The following PRPF4 variants were observed in gnomAD, a reference collection of about 807,000 sequenced individuals.
PRPF4 encodes the protein pre-mRNA splicing tri-snRNP complex factor PRPF4.
In PRPF4, 14 loss-of-function variants were observed where a neutral mutation model predicts 72.2. The ratio of observed to expected loss-of-function variants is 0.19; its 90% CI spans 0.13 to 0.30. The LOEUF is 0.30. Among genes scored for constraint, PRPF4 ranks in the 10% least tolerant of loss-of-function variants. PRPF4 has a pLI of 1.00. For missense variants in PRPF4, 478 were observed against 653.9 expected (o/e 0.73, Z 2.93); for synonymous variants, 225 against 232.2 (o/e 0.97, Z 0.28).
rs757227440 is a variant in PRPF4 at position 113,290,536 on chromosome 9, A to C, written c.1093A>C (p.Met365Leu). The C allele has an allele frequency of 1.2e-6, 2 of 1,614,196 alleles. No individual in the cohort carries two copies. Among genetic ancestry groups the C allele is most frequent in the Non-Finnish European group, 1.7e-6 (2 of 1,180,024 alleles). The change falls in exon 11 of 14, where the codon ATG (methionine) becomes CTG (leucine). Residue 365 changes from methionine to leucine, a missense_variant. Transcript: ENST00000374198. ...EEILHQEGHS[M>L]GVYDIAFHQD... ...GATCCTGCATCAGGAAGGCCATAGC[A>C]TGGGTGTGTATGACATTGCCTTCCA...
chr9:113,278,919 G>A, intron 2 of PRPF4, 26 bp from the exon 3 acceptor site: 1 of 1,609,656 alleles, frequency 6.2e-7, no homozygotes, highest in South Asian at 1.1e-5. Flanking sequence ...AAGATCTGCT[G>A]ATGTTGCCTG....
chr9:113,276,594 A>G lies in PRPF4; in HGVS notation c.74A>G (p.Lys25Arg), dbSNP rs770430718. Residue 25 changes from lysine to arginine, a missense_variant, in exon 2 of 14, where the codon AAG becomes AGG. Coordinates refer to ENST00000374198, the MANE Select transcript of PRPF4 (RefSeq NM_001244926.2). ...APDDLVAPVV[K>R]KPHIYYGSLE... Reference sequence around the variant, plus strand: ...GACGACTTAGTTGCTCCGGTCGTGAAGAAACCACACATCTATTATGGAAGT... The same window carrying G: ...GACGACTTAGTTGCTCCGGTCGTGAGGAAACCACACATCTATTATGGAAGT... The G allele has an allele frequency of 7.4e-6, 12 of 1,614,096 alleles. No individual in the cohort carries two copies.
At chr9:113,276,897 C>G (rs576888383) in intron 2 of PRPF4, among the ~76,000 whole-genome samples, 172 bp downstream of exon 2, 9 of 152,168 alleles carry the variant, frequency 5.9e-5, no homozygotes, top group Admixed American at 5.9e-4. Flanking sequence ...TCACTGCAAC[C>G]TCCGCCTCCC....
chr9:113,281,404 A>C (rs1203309835), intron 3 of PRPF4, among the ~76,000 whole-genome samples: 1 of 152,254 alleles, frequency 6.6e-6, no homozygotes, highest in South Asian at 2.1e-4. Flanking sequence ...TTGAGTCACT[A>C]CTGCTACTAT....
intron 7 of PRPF4, 50 bp downstream of exon 7, chr9:113,284,439 A>C: frequency 1.4e-6 from 2 of 1,481,002 alleles, no homozygotes; most frequent in Non-Finnish European, 1.9e-6. Flanking sequence ...GAACAGGCTC[A>C]GGAAGAAAAT....
chr9:113,292,448 C>T lies in PRPF4; in HGVS notation c.*788C>T, dbSNP rs1241076545. On this transcript the variant is annotated 3_prime_UTR_variant, in exon 14 of 14. Coordinates refer to ENST00000374198, the MANE Select transcript of PRPF4 (RefSeq NM_001244926.2). ...CAATGCATCATAGCGAGCACTTTTC[C>T]TTTCCCTGGAGAATGGGATGTGAAG... is the stretch of plus-strand genomic sequence containing the variant. 5 of 152,188 alleles carry T rather than the reference C, an allele frequency of 3.3e-5. No individual in the cohort carries two copies. The highest frequency in any genetic ancestry group is 6.5e-5 in the Admixed American group (1 of 15,270). 9.4% of individuals were successfully genotyped at this position (152,188 alleles called of 1,614,324 possible). A position where few individuals can be genotyped will look rare whatever the true frequency, so the allele number is the denominator to read the frequency against.
chr9:113,290,488 T>G lies in PRPF4; in HGVS notation c.1045T>G (p.Trp349Gly), dbSNP rs1290352759. 6.2e-7 allele frequency: 1 copy of G among 1,614,232 alleles called. No individual in the cohort carries two copies. Among genetic ancestry groups the G allele is most frequent in the Non-Finnish European group, 8.5e-7 (1 of 1,180,038 alleles). Residue 349 changes from tryptophan (W) to glycine (G), a missense_variant, in exon 11 of 14, where the codon TGG becomes GGG. Physicochemically the swap from Trp to Gly is radical, Grantham distance 184. Transcript: ENST00000374198. ...TTCYDRSWRL[W>G]DLEAQEEILH... Reference sequence around the variant, plus strand: ...TAGCTATGACCGTTCATGGCGCTTATGGGATTTGGAGGCTCAAGAGGAGAT... The same window carrying G: ...TAGCTATGACCGTTCATGGCGCTTAGGGGATTTGGAGGCTCAAGAGGAGAT...
chr9:113,277,444 G>A (rs1204453451), intron 2 of PRPF4, among the ~76,000 whole-genome samples: 1 of 151,876 alleles, frequency 6.6e-6, no homozygotes, highest in Non-Finnish European at 1.5e-5. Flanking sequence ...GGAATGCAGT[G>A]GCGTAACCTT....
At chr9:113,285,797 T>G (rs1283079544) in intron 7 of PRPF4, among the ~76,000 whole-genome samples, 2 of 152,004 alleles carry the variant, frequency 1.3e-5, no homozygotes, top group Non-Finnish European at 2.9e-5. Context: ...CCTGGGAGGT[T>G]GAGGCTGCAG....
chr9:113,289,966 T>G (rs1463817031), intron 10 of PRPF4, among the ~76,000 whole-genome samples: 1 of 152,186 alleles, frequency 6.6e-6, no homozygotes. Context: ...ACACCTATAA[T>G]CCCAGCACTT....
intron 6 of PRPF4, among the ~76,000 whole-genome samples, chr9:113,284,092 T>C (rs1462141588): frequency 6.7e-6 from 1 of 148,330 alleles, no homozygotes; most frequent in Non-Finnish European, 1.5e-5. Flanking sequence ...AAAAAGACTA[T>C]AGAAAACAGC....
rs138557615 is a variant in PRPF4 at position 113,276,722 on chromosome 9, T to G, written c.202T>G (p.Ser68Ala). The G allele has an allele frequency of 6.2e-7, 1 of 1,606,414 alleles. No individual in the cohort carries two copies. Among genetic ancestry groups the G allele is most frequent in the South Asian group, 1.1e-5 (1 of 90,038 alleles). The change falls in exon 2 of 14, where the codon TCT (serine) becomes GCT (alanine). Residue 68 changes from serine (S) to alanine (A), a missense_variant. Transcript: ENST00000374198. ...CGAAGCTGGAAATATTAATATAACC[T>G]CTGGTAAGATGCAAATTGTGAGCCC... is the stretch of plus-strand genomic sequence containing the variant. ...GIEAGNINIT[S>A]GEVFEIEEHI...
intron 9 of PRPF4, among the ~76,000 whole-genome samples, chr9:113,287,225 C>T (rs1297836579): frequency 6.6e-6 from 1 of 152,108 alleles, no homozygotes; most frequent in Non-Finnish European, 1.5e-5. Flanking sequence ...TTGTCTATAG[C>T]CTAGTGACCA....
chr9:113,290,548 G>A lies in PRPF4; in HGVS notation c.1105G>A (p.Asp369Asn), dbSNP rs1426859159. 3 of 1,614,198 alleles carry A rather than the reference G, an allele frequency of 1.9e-6. No homozygotes were observed. The highest frequency in any genetic ancestry group is 2.7e-5 in the African/African-American group (2 of 75,058). Reference sequence around the variant, plus strand: ...GGAAGGCCATAGCATGGGTGTGTATGACATTGCCTTCCATCAAGATGGCTC... The same window carrying A: ...GGAAGGCCATAGCATGGGTGTGTATAACATTGCCTTCCATCAAGATGGCTC... ...HQEGHSMGVY[D>N]IAFHQDGSLA... Residue 369 changes from aspartate to asparagine, a missense_variant, in exon 11 of 14, where the codon GAC (aspartate) becomes AAC (asparagine). Asp to Asn is a conservative substitution (Grantham distance 23). Transcript: ENST00000374198.
rs771347959 is a variant in PRPF4, at chr9:113,291,939, G to A, written c.*279G>A. 1.6e-5 allele frequency: 4 copies of A among 243,058 alleles called. No homozygotes were observed. The highest frequency in any genetic ancestry group is 7.0e-5 in the South Asian group (1 of 14,274). 15.1% of individuals were successfully genotyped at this position (243,058 alleles called of 1,614,324 possible). A position where few individuals can be genotyped will look rare whatever the true frequency, so the allele number is the denominator to read the frequency against. Reference sequence around the variant, plus strand: ...TTATTAATCTTTTGTTTGGCCGGGCGTGGTGGCTCACGCCTGTAATCCTAG... The same window carrying A: ...TTATTAATCTTTTGTTTGGCCGGGCATGGTGGCTCACGCCTGTAATCCTAG... On this transcript the variant is annotated 3_prime_UTR_variant, in exon 14 of 14. Coordinates refer to ENST00000374198, the MANE Select transcript of PRPF4 (RefSeq NM_001244926.2).
chr9:113,284,438 C>T, intron 7 of PRPF4, 49 bp downstream of exon 7: 4 of 1,483,098 alleles, frequency 2.7e-6, no homozygotes, highest in South Asian at 1.1e-5. Flanking sequence ...GGAACAGGCT[C>T]AGGAAGAAAA....
At chr9:113,282,969 T>C (rs1012438766) in intron 4 of PRPF4, 163 bp from the exon 5 acceptor site, 2 of 1,302,694 alleles carry the variant, frequency 1.5e-6, no homozygotes, top group Admixed American at 2.5e-5. Flanking sequence ...ACCATGTAGT[T>C]ACATATCATA....
chr9:113,288,196 T>G lies in PRPF4; in HGVS notation c.954T>G (p.Ile318Met). 1 of 1,614,234 alleles carries G rather than the reference T, an allele frequency of 6.2e-7. No homozygotes were observed. The highest frequency in any genetic ancestry group is 8.5e-7 in the Non-Finnish European group (1 of 1,180,036). The change falls in exon 10 of 14, where the codon ATT (isoleucine) becomes ATG (methionine). Residue 318 changes from isoleucine to methionine, a missense_variant. Ile to Met is a conservative substitution (Grantham distance 10). Coordinates refer to ENST00000374198, the MANE Select transcript of PRPF4 (RefSeq NM_001244926.2). ...CCAGTGATGAACCAGTGGCAGATAT[T>G]GAAGGCCATACAGTGCGTGTGGCGC... ...SLDSDEPVAD[I>M]EGHTVRVARV...
At chr9:113,290,424 A>G (rs1564259192) in intron 10 of PRPF4, 42 bp from the exon 11 acceptor site, 7 of 1,613,362 alleles carry the variant, frequency 4.3e-6, no homozygotes, top group Non-Finnish European at 5.1e-6. Context: ...TAGAAACTGA[A>G]TAAATATCAG....
Sources: allele counts gnomAD v4.1 joint callset (sites outside exome capture counted in the v4.1 genomes callset), GRCh38; gene constraint gnomAD v4.1.1; transcripts MANE v1.5; gene names NCBI Gene and HGNC (gene_info 2026-07-23, HGNC 2026-07-21).